Variants in ABCA13 observed in about 807,000 individuals in gnomAD.
The protein encoded by ABCA13 is ATP binding cassette subfamily A member 13.
Under a neutral mutation model 478.7 loss-of-function variants are expected in ABCA13, and 476 were observed. That is an observed-to-expected ratio of 0.99 (90% confidence interval 0.92 to 1.07). The LOEUF is 1.07. Among genes scored for constraint, ABCA13 ranks in the 50% least tolerant of loss-of-function variants. The pLI, the probability that ABCA13 is intolerant of heterozygous loss-of-function variation, is 0.00. For missense variants in ABCA13, 6,060 were observed against 5,910.6 expected, an observed-to-expected ratio of 1.03 and a Z score of -0.83; for synonymous variants, 2,252 against 2,158.9, an observed-to-expected ratio of 1.04 and a Z score of -1.20.
intron 59 of ABCA13, among the ~76,000 whole-genome samples, chr7:48,618,735 ACCTGTG>A (rs1369129198): frequency 6.6e-6 from 1 of 152,098 alleles, no homozygotes; most frequent in Non-Finnish European, 1.5e-5. Context: ...GTTGTCTAGT[ACCTGTG>A]CCTGGGGTGA....
intron 31 of ABCA13, among the ~76,000 whole-genome samples, chr7:48,360,187 C>CT (rs1291986167): frequency 1.5e-5 from 2 of 135,378 alleles, no homozygotes; most frequent in Admixed American, 7.4e-5. Flanking sequence ...CTATCCCTCC[C>CT]CCCTCCCCCA....
intron 42 of ABCA13, among the ~76,000 whole-genome samples, 170 bp downstream of exon 42, chr7:48,428,041 G>A (rs1265210338): frequency 6.7e-6 from 1 of 148,760 alleles, no homozygotes; most frequent in African/African-American, 2.5e-5. Context: ...AAAACGTTGA[G>A]TTTTATCCTG....
intron 57 of ABCA13, among the ~76,000 whole-genome samples, chr7:48,589,635 G>A (rs1432415755): frequency 6.6e-6 from 1 of 152,134 alleles, no homozygotes; most frequent in Non-Finnish European, 1.5e-5. Context: ...GTTATCTACA[G>A]TCCCTCTCTT....
chr7:48,552,960 C>G (rs58217465), intron 55 of ABCA13, among the ~76,000 whole-genome samples: 2,555 of 148,368 alleles, frequency 0.017, 73 homozygotes, highest in African/African-American at 0.058. Flanking sequence ...ACTTCCCTCC[C>G]TACACACCCA....
intron 15 of ABCA13, among the ~76,000 whole-genome samples, chr7:48,262,665 T>A (rs945127802): frequency 6.6e-6 from 1 of 151,940 alleles, no homozygotes; most frequent in African/African-American, 2.4e-5. Flanking sequence ...TTTCACTGGA[T>A]ATTCCACAGC....
intron 55 of ABCA13, among the ~76,000 whole-genome samples, chr7:48,543,909 T>C (rs566740918): frequency 6.6e-6 from 1 of 151,716 alleles, no homozygotes; most frequent in Non-Finnish European, 1.5e-5. Flanking sequence ...TAAAAAATAC[T>C]TGGGCTAATA....
intron 61 of ABCA13, 144 bp downstream of exon 61, chr7:48,644,898 A>T (rs958878481): frequency 1.2e-5 from 11 of 921,724 alleles, no homozygotes; most frequent in Non-Finnish European, 1.4e-5. Flanking sequence ...TATGATAAGG[A>T]TGGTGAGTGT....
intron 20 of ABCA13, among the ~76,000 whole-genome samples, chr7:48,288,333 G>A (rs1307540674): frequency 1.3e-5 from 2 of 152,144 alleles, no homozygotes; most frequent in African/African-American, 4.8e-5. Flanking sequence ...TTGCAAGCTG[G>A]TTGTTAAACA....
intron 55 of ABCA13, among the ~76,000 whole-genome samples, chr7:48,572,444 A>G (rs1237185708): frequency 6.6e-6 from 1 of 152,108 alleles, no homozygotes; most frequent in Non-Finnish European, 1.5e-5. Flanking sequence ...TCAGCCTTCT[A>G]GTAGGTGGGA....
At position 48,275,266 on chromosome 7, in the gene ABCA13, A is replaced by C; in HGVS notation, c.5600A>C (p.Gln1867Pro). ...SILDHFHLSP[Q>P]GEDSPCSNES... is the part of the protein sequence containing the mutation. ...CTTGATCATTTCCACCTGTCTCCCC[A>C]AGGTGAAGATTCACCATGTTCAAAT... Residue 1867 changes from glutamine to proline, a missense_variant, in exon 17 of 62, where the codon CAA becomes CCA. By Grantham distance (76) the Gln-to-Pro change is moderately conservative. Transcript: ENST00000435803. 6.2e-7 allele frequency: 1 copy of C among 1,613,894 alleles called. No homozygotes were observed. Among genetic ancestry groups the C allele is most frequent in the Non-Finnish European group, 8.5e-7 (1 of 1,179,848 alleles).
chr7:48,504,799 T>A (rs1585626585), intron 48 of ABCA13, among the ~76,000 whole-genome samples: 1 of 152,126 alleles, frequency 6.6e-6, no homozygotes, highest in East Asian at 1.9e-4. Flanking sequence ...TTTTCTGACC[T>A]CCTGATAAGG....
intron 45 of ABCA13, among the ~76,000 whole-genome samples, chr7:48,477,908 T>C (rs1585507881): frequency 6.6e-6 from 1 of 151,912 alleles, no homozygotes; most frequent in Non-Finnish European, 1.5e-5. Context: ...AAAAAAAGAA[T>C]GAGACCAAGG....
At chr7:48,430,812 G>T (rs1473625590) in intron 42 of ABCA13, among the ~76,000 whole-genome samples, 2 of 152,034 alleles carry the variant, frequency 1.3e-5, no homozygotes, top group African/African-American at 4.8e-5. Flanking sequence ...TCAGCTTTTG[G>T]TTTTATTGAT....
At chr7:48,195,035 G>T (rs1797748229) in intron 2 of ABCA13, among the ~76,000 whole-genome samples, 1 of 152,208 alleles carries the variant, frequency 6.6e-6, no homozygotes, top group African/African-American at 2.4e-5. Flanking sequence ...GCACACAAGA[G>T]GGTCAGCCAA....
Position 48,274,453 on chromosome 7 carries a change from C to G in ABCA13, c.4787C>G (p.Ser1596Cys), listed in dbSNP as rs761400417. The change falls in exon 17 of 62, where the codon TCC becomes TGC. Residue 1596 changes from serine (S) to cysteine (C), a missense_variant. Around this residue, in one of 3 missense-constraint regions of ABCA13, gnomAD observed 4,423 missense variants for 4,309.1 expected, o/e 1.03. Coordinates refer to ENST00000435803, the MANE Select transcript of ABCA13 (RefSeq NM_152701.5). The stretch of plus-strand genomic sequence containing the variant: ...AAGGATGTAAACAGTGTAGGCAATT[C>G]CATTTATCACTTAGCTAGTTACCTT... ...KEKDVNSVGNSIYHLASYLAF... is the reference protein window; with the variant it reads ...KEKDVNSVGNCIYHLASYLAF... 3 of 1,613,648 alleles carry G rather than the reference C, an allele frequency of 1.9e-6. No individual in the cohort carries two copies. The African/African-American group carries it at 4.0e-5, about 22-fold the overall frequency.
chr7:48,569,018 G>A (rs1257938369), intron 55 of ABCA13, among the ~76,000 whole-genome samples: 9 of 151,694 alleles, frequency 5.9e-5, no homozygotes, highest in Non-Finnish European at 1.5e-5. Context: ...GTTCCCTTTT[G>A]TTGGTCATTG....
At chr7:48,585,499 A>C (rs1789094734) in intron 56 of ABCA13, among the ~76,000 whole-genome samples, 3 of 152,286 alleles carry the variant, frequency 2.0e-5, no homozygotes, top group Admixed American at 6.5e-5. Context: ...TTTGCAACAT[A>C]TTTTGAAGTT....
At chr7:48,467,069 A>G (rs1204802398) in intron 44 of ABCA13, 24 bp downstream of exon 44, 1 of 1,598,538 alleles carries the variant, frequency 6.3e-7, no homozygotes, top group Non-Finnish European at 8.6e-7. Context: ...GCTCTCTGCA[A>G]AAGTGAACAC....
Position 48,391,912 on chromosome 7 carries a change from C to T in ABCA13, c.11655-9C>T. The T allele has an allele frequency of 6.2e-7, 1 of 1,612,858 alleles. No individual in the cohort carries two copies. Among genetic ancestry groups the T allele is most frequent in the Non-Finnish European group, 8.5e-7 (1 of 1,179,210 alleles). Reference sequence around the variant, plus strand: ...CGTATTCTCCATGCTGTCTTATTTTCTCTGGCAGATCCATGTTGACGGGGC... The same window carrying T: ...CGTATTCTCCATGCTGTCTTATTTTTTCTGGCAGATCCATGTTGACGGGGC... On this transcript the variant is annotated splice_polypyrimidine_tract_variant and intron_variant, in intron 37 of 61. Coordinates refer to ENST00000435803, the MANE Select transcript of ABCA13 (RefSeq NM_152701.5).
Sources: gnomAD v4.1 joint callset for allele counts (sites outside exome capture counted in the v4.1 genomes callset) on GRCh38, gnomAD v4.1.1 for gene constraint, gnomAD v4.1.1 regional missense constraint, MANE v1.5 for transcripts, NCBI Gene and HGNC (gene_info 2026-07-23, HGNC 2026-07-21) for gene names.